The following HNF4G variants were observed in gnomAD, a reference collection of about 807,000 sequenced individuals.
The protein encoded by HNF4G is hepatocyte nuclear factor 4-gamma.
In HNF4G, 21 loss-of-function variants were observed where a neutral mutation model predicts 50.9. The ratio of observed to expected loss-of-function variants is 0.41; its 90% CI spans 0.29 to 0.59. HNF4G has a LOEUF of 0.59. HNF4G is among the 20% of genes least tolerant of loss of function. HNF4G has a pLI of 0.26. For missense variants in HNF4G, 527 were observed against 559.4 expected, an observed-to-expected ratio of 0.94 and a Z score of 0.58; for synonymous variants, 198 against 185.6, an observed-to-expected ratio of 1.07 and a Z score of -0.54.
intron 1 of HNF4G, among the ~76,000 whole-genome samples, chr8:75,451,477 C>G (rs1261072988): frequency 6.6e-6 from 1 of 151,494 alleles, no homozygotes; most frequent in Non-Finnish European, 1.5e-5. Context: ...AGTTTCAGGT[C>G]TTACATTTAA....
chr8:75,456,952 C>T (rs1159412464), intron 1 of HNF4G, among the ~76,000 whole-genome samples: 1 of 152,044 alleles, frequency 6.6e-6, no homozygotes, highest in Non-Finnish European at 1.5e-5. Context: ...ACTATATTGC[C>T]CAGGCTGGTC....
intron 1 of HNF4G, among the ~76,000 whole-genome samples, chr8:75,443,427 T>C (rs1811335685): frequency 6.6e-6 from 1 of 152,176 alleles, no homozygotes; most frequent in Non-Finnish European, 1.5e-5. Context: ...TATGACAAAA[T>C]ACATATTAAA....
chr8:75,560,574 T>TA lies in HNF4G; in HGVS notation c.1246+110dup, dbSNP rs1333792472. 6.1e-6 allele frequency: 6 copies of TA among 979,664 alleles called. No individual in the cohort carries two copies. In the East Asian group the frequency reaches 1.5e-4, roughly 25 times the overall value. The allele number at this position is 979,664 out of a possible 1,614,324, so 60.7% of individuals were successfully genotyped here. A position where few individuals can be genotyped will look rare whatever the true frequency, so the allele number is the denominator to read the frequency against. On this transcript the variant is annotated intron_variant, in intron 9 of 9. Coordinates refer to ENST00000396423, the MANE Select transcript of HNF4G (RefSeq NM_004133.5). The stretch of plus-strand genomic sequence containing the variant: ...AACCAGAAATGGCAAAAACTTGGTG[T>TA]AATTTCCCATCTGAGACTCAGCAGT...
chr8:75,565,277 C>T lies in HNF4G; in HGVS notation c.*1181C>T, dbSNP rs891282443. 1 of 151,964 alleles carries T rather than the reference C, an allele frequency of 6.6e-6. No individual in the cohort carries two copies. The highest frequency in any genetic ancestry group is 1.5e-5 in the Non-Finnish European group (1 of 68,004). The allele number at this position is 151,964 out of a possible 1,614,324, so 9.4% of individuals were successfully genotyped here. A position where few individuals can be genotyped will look rare whatever the true frequency, so the allele number is the denominator to read the frequency against. ...GATTGGATACTATTCATCATATTGC[C>T]TATAATATATATTTACCGATAAGCA... On this transcript the variant is annotated 3_prime_UTR_variant, in exon 10 of 10. Transcript: ENST00000396423.
At chr8:75,528,019 A>G (rs917856973) in intron 2 of HNF4G, among the ~76,000 whole-genome samples, 3 of 152,210 alleles carry the variant, frequency 2.0e-5, no homozygotes, top group East Asian at 1.9e-4. Flanking sequence ...ACCTGATGGC[A>G]ATACCTTTAT....
At chr8:75,457,860 G>C (rs565676126) in intron 1 of HNF4G, among the ~76,000 whole-genome samples, 2 of 151,904 alleles carry the variant, frequency 1.3e-5, no homozygotes, top group Non-Finnish European at 1.5e-5. Flanking sequence ...TTATGTGTGC[G>C]TGTGTGTGTG....
intron 2 of HNF4G, among the ~76,000 whole-genome samples, chr8:75,534,336 A>T (rs1050512852): frequency 1.3e-5 from 2 of 150,932 alleles, no homozygotes; most frequent in African/African-American, 2.4e-5. Flanking sequence ...TTATCTTCTG[A>T]AAAGGAGAGT....
intron 3 of HNF4G, among the ~76,000 whole-genome samples, chr8:75,550,308 CTCTT>C (rs202053951): frequency 1.3e-4 from 20 of 151,854 alleles, no homozygotes; most frequent in Middle Eastern, 3.4e-3. Flanking sequence ...CTCTCTCTCT[CTCTT>C]TTTTTTTAAT....
chr8:75,424,941 T>C (rs1478215550), intron 1 of HNF4G, among the ~76,000 whole-genome samples: 1 of 152,146 alleles, frequency 6.6e-6, no homozygotes. Context: ...GTGGGAGTTC[T>C]ATTTTTAGTG....
At chr8:75,459,563 G>A (rs1015704724) in intron 1 of HNF4G, among the ~76,000 whole-genome samples, 3 of 152,188 alleles carry the variant, frequency 2.0e-5, no homozygotes, top group African/African-American at 4.8e-5. Context: ...CTTGGCTTGT[G>A]TAGTAGTGTT....
At chr8:75,560,682 T>C (rs1807285612) in intron 9 of HNF4G, among the ~76,000 whole-genome samples, 1 of 152,174 alleles carries the variant, frequency 6.6e-6, no homozygotes, top group Non-Finnish European at 1.5e-5. Flanking sequence ...AAAATCTTTC[T>C]ACTTCATAGG....
intron 1 of HNF4G, among the ~76,000 whole-genome samples, chr8:75,460,871 G>T (rs1052792293): frequency 1.3e-5 from 2 of 152,118 alleles, no homozygotes; most frequent in African/African-American, 4.8e-5. Flanking sequence ...AACTTTGAGG[G>T]TTTGGCAGAA....
chr8:75,460,078 GA>G (rs5892493), intron 1 of HNF4G, among the ~76,000 whole-genome samples: 113,981 of 149,688 alleles, frequency 0.76, 44,124 homozygotes, highest in African/African-American at 0.94. Flanking sequence ...ACGTTCTGAA[GA>G]AAAAAAAAAA....
At chr8:75,430,016 T>C (rs2130514502) in intron 1 of HNF4G, among the ~76,000 whole-genome samples, 1 of 152,062 alleles carries the variant, frequency 6.6e-6, no homozygotes, top group Non-Finnish European at 1.5e-5. Context: ...CCAGGCATGG[T>C]GGCATGCGCC....
chr8:75,416,020 A>T (rs971664586), intron 1 of HNF4G, among the ~76,000 whole-genome samples: 11 of 152,220 alleles, frequency 7.2e-5, no homozygotes, highest in African/African-American at 2.2e-4. Context: ...CTCAGAAGAT[A>T]TTTTAGATTC....
chr8:75,418,936 A>G (rs1427434255), intron 1 of HNF4G, among the ~76,000 whole-genome samples: 4 of 151,956 alleles, frequency 2.6e-5, no homozygotes, highest in African/African-American at 9.6e-5. Context: ...CATGTTGGCC[A>G]CACCGACCTC....
chr8:75,451,017 C>A (rs906209065), intron 1 of HNF4G, among the ~76,000 whole-genome samples: 1 of 152,114 alleles, frequency 6.6e-6, no homozygotes, highest in African/African-American at 2.4e-5. Flanking sequence ...TGAGAAATAA[C>A]TTTCTTTATA....
intron 1 of HNF4G, among the ~76,000 whole-genome samples, chr8:75,435,681 C>T (rs1257917340): frequency 2.0e-5 from 3 of 152,164 alleles, no homozygotes; most frequent in Non-Finnish European, 4.4e-5. Flanking sequence ...GCATCTTCTG[C>T]CTCCCGGATT....
chr8:75,546,005 T>C (rs1432839172), intron 2 of HNF4G, among the ~76,000 whole-genome samples: 1 of 152,164 alleles, frequency 6.6e-6, no homozygotes, highest in Non-Finnish European at 1.5e-5. Context: ...TCCAGCTCAA[T>C]TTGTTGATGA....
Sources: allele counts gnomAD v4.1 joint callset (sites outside exome capture counted in the v4.1 genomes callset), GRCh38; gene constraint gnomAD v4.1.1; transcripts MANE v1.5; gene names NCBI Gene and HGNC (gene_info 2026-07-23, HGNC 2026-07-21).